Variants in MT1B observed in about 807,000 individuals in gnomAD.
MT1B encodes metallothionein 1B.
In MT1B, 4 loss-of-function variants were observed where a neutral mutation model predicts 7.9. The ratio of observed to expected loss-of-function variants is 0.51; its 90% CI spans 0.25 to 1.16. The LOEUF (loss-of-function observed/expected upper bound fraction) is 1.16, where lower values mean the gene tolerates loss of function less well. MT1B is among the 50% of genes most tolerant of loss of function. MT1B has a pLI of 0.15. For synonymous variants in MT1B, 22 were observed against 27.6 expected (o/e 0.80, Z 0.63); for missense variants, 76 against 75.2 (o/e 1.01, Z -0.04).
chr16:56,652,026 C>T lies in MT1B; in HGVS notation c.28+45C>T, dbSNP rs117609995. ...GGGCCTTGAGATGCCCATTCCCGGC[C>T]ACTGTACACAGTGTCCCTGGGTTAG... On this transcript the variant is annotated intron_variant, in intron 1 of 2. Coordinates refer to ENST00000334346, the MANE Select transcript of MT1B (RefSeq NM_005947.3). The T allele has an allele frequency of 2.4e-4, 394 of 1,610,292 alleles. 5 individuals carry two copies. In the East Asian group the frequency reaches 4.9e-3, roughly 20 times the overall value.
chr16:56,652,701 G>C, intron 2 of MT1B, 65 bp downstream of exon 2: 2 of 1,579,194 alleles, frequency 1.3e-6, no homozygotes, highest in Non-Finnish European at 1.7e-6. Flanking sequence ...ACACAAGGCT[G>C]GCCCTGAGTG....
intron 2 of MT1B, 74 bp from the exon 3 acceptor site, chr16:56,652,900 C>T: frequency 6.6e-7 from 1 of 1,524,744 alleles, no homozygotes. Context: ...TGAACTTCAG[C>T]CAGGCTTGCT....
At chr16:56,652,280 T>TG (rs1357613053) in intron 1 of MT1B, among the ~76,000 whole-genome samples, 6 of 151,974 alleles carry the variant, frequency 3.9e-5, no homozygotes, top group African/African-American at 1.5e-4. Context: ...GGGTGAGAGG[T>TG]GGGGGACATA....
rs1960559462 is a variant in MT1B, at chr16:56,651,984, A to G, written c.28+3A>G. 6.2e-7 allele frequency: 1 copy of G among 1,614,234 alleles called. No homozygotes were observed. The highest frequency in any genetic ancestry group is 8.5e-7 in the Non-Finnish European group (1 of 1,180,048). On this transcript the variant is annotated splice_donor_region_variant and intron_variant, in intron 1 of 2. Coordinates refer to ENST00000334346, the MANE Select transcript of MT1B (RefSeq NM_005947.3). ...TCCCAACTGCTCCTGCACCACAGGT[A>G]AGGGACGCCTGGCTCTGGGCCTTGA...
In MT1B at chr16:56,653,138, C is replaced by T. The variant is rs1303249760; in HGVS notation, c.*73C>T. ...ACCTGGATTTTTTTTTTTAACTACC[C>T]TGACCGGTTTGCTACATTCTTTTTT... On this transcript the variant is annotated 3_prime_UTR_variant, in exon 3 of 3. Coordinates refer to ENST00000334346, the MANE Select transcript of MT1B (RefSeq NM_005947.3). The T allele has an allele frequency of 7.1e-7, 1 of 1,410,466 alleles. No homozygotes were observed. 87.4% of individuals were successfully genotyped at this position (1,410,466 alleles called of 1,614,324 possible).
chr16:56,652,120 C>A, intron 1 of MT1B, 139 bp downstream of exon 1: 1 of 966,728 alleles, frequency 1.0e-6, no homozygotes, highest in Non-Finnish European at 1.6e-6. Flanking sequence ...TCCTCTTGCC[C>A]AAGCTCCTGT....
Position 56,653,166 on chromosome 16 carries a change from A to G in MT1B, c.*101A>G, listed in dbSNP as rs1056372607. On this transcript the variant is annotated 3_prime_UTR_variant, in exon 3 of 3. Coordinates refer to ENST00000334346, the MANE Select transcript of MT1B (RefSeq NM_005947.3). ...ACCGGTTTGCTACATTCTTTTTTCT[A>G]TTCAATATGTGAAAGACAATAAAAC... is the stretch of plus-strand genomic sequence containing the variant. The G allele has an allele frequency of 4.6e-6, 5 of 1,093,232 alleles. No homozygotes were observed. The highest frequency in any genetic ancestry group is 1.6e-5 in the African/African-American group (1 of 63,238). The allele number at this position is 1,093,232 out of a possible 1,614,324, so 67.7% of individuals were successfully genotyped here.
At chr16:56,652,480 C>T (rs1156765358) in intron 1 of MT1B, 91 bp from the exon 2 acceptor site, 8 of 1,247,468 alleles carry the variant, frequency 6.4e-6, no homozygotes, top group Non-Finnish European at 8.2e-6. Flanking sequence ...GCTGGCCCTG[C>T]ACAGAGGATG....
chr16:56,652,052 A>G (rs1465964907), intron 1 of MT1B, 71 bp downstream of exon 1: 2 of 1,585,398 alleles, frequency 1.3e-6, no homozygotes, highest in African/African-American at 2.7e-5. Flanking sequence ...CCTGGGTTAG[A>G]GAAGGTTGCA....
At position 56,652,645 on chromosome 16, in the gene MT1B, G is replaced by A. The variant is rs770082430; in HGVS notation, c.94+9G>A. 2 of 1,613,820 alleles carry A rather than the reference G, an allele frequency of 1.2e-6. No homozygotes were observed. The highest frequency in any genetic ancestry group is 1.7e-5 in the Admixed American group (1 of 59,996). ...TACCTCCTGCAAGAAGTGTGAGTGT[G>A]GGATCATCTCCAGGAATCTGGGGCT... is the stretch of plus-strand genomic sequence containing the variant. On this transcript the variant is annotated intron_variant, in intron 2 of 2. Coordinates refer to ENST00000334346, the MANE Select transcript of MT1B (RefSeq NM_005947.3).
At chr16:56,652,709 G>A (rs1960569957) in intron 2 of MT1B, 73 bp downstream of exon 2, 3 of 1,571,108 alleles carry the variant, frequency 1.9e-6, no homozygotes, top group Non-Finnish European at 2.6e-6. Context: ...CTGGCCCTGA[G>A]TGCATGCTTT....
rs370227186 is a variant in MT1B at position 56,651,936 on chromosome 16, G to C, written c.-18G>C. The C allele has an allele frequency of 2.0e-5, 33 of 1,614,210 alleles. 1 individual carries two copies. The Middle Eastern group carries it at 4.9e-4, about 24-fold the overall frequency. On this transcript the variant is annotated 5_prime_UTR_variant, in exon 1 of 3. Transcript: ENST00000334346. ...TCTCATATCTTGCCTAGGAACTCCA[G>C]GCTTGTCTTGGCTCCAAATGGATCC...
rs200369659 is a variant in MT1B at position 56,653,052 on chromosome 16, G to A, written c.173G>A (p.Arg58His). The A allele has an allele frequency of 3.3e-5, 54 of 1,613,918 alleles. No homozygotes were observed. Among genetic ancestry groups the A allele is most frequent in the Non-Finnish European group, 4.2e-5 (49 of 1,179,964 alleles). Reference sequence around the variant, plus strand: ...TGCAAAGGCTCATCAGAGAAGTGCCGCTGCTGTGCCTGATGTTGGGAGAGC... The same window carrying A: ...TGCAAAGGCTCATCAGAGAAGTGCCACTGCTGTGCCTGATGTTGGGAGAGC... ...CVCKGSSEKC[R>H]CCA The change falls in exon 3 of 3, where the codon CGC becomes CAC. Residue 58 changes from arginine to histidine, a missense_variant. Arg to His is a conservative substitution (Grantham distance 29, BLOSUM62 0). Coordinates refer to ENST00000334346, the MANE Select transcript of MT1B (RefSeq NM_005947.3).
chr16:56,653,027 T>C lies in MT1B; in HGVS notation c.148T>C (p.Cys50Arg). Residue 50 changes from cysteine (C) to arginine (R), a missense_variant, in exon 3 of 3, where the codon TGC (cysteine) becomes CGC (arginine). Coordinates refer to ENST00000334346, the MANE Select transcript of MT1B (RefSeq NM_005947.3). The stretch of plus-strand genomic sequence containing the variant: ...TGCCAAGTGTGCCCAGGGCTGTGTC[T>C]GCAAAGGCTCATCAGAGAAGTGCCG... ...GCAKCAQGCV[C>R]KGSSEKCRCC... The C allele has an allele frequency of 6.2e-7, 1 of 1,613,840 alleles. No homozygotes were observed. Among genetic ancestry groups the C allele is most frequent in the Non-Finnish European group, 8.5e-7 (1 of 1,179,988 alleles).
rs777855677 is a variant in MT1B at position 56,651,966 on chromosome 16, T to G, written c.13T>G (p.Cys5Gly). 6.2e-7 allele frequency: 1 copy of G among 1,614,250 alleles called. No homozygotes were observed. The highest frequency in any genetic ancestry group is 1.1e-5 in the South Asian group (1 of 91,080). Residue 5 changes from cysteine to glycine, a missense_variant, in exon 1 of 3, where the codon TGC (cysteine) becomes GGC (glycine). Coordinates refer to ENST00000334346, the MANE Select transcript of MT1B (RefSeq NM_005947.3). ...GTCTTGGCTCCAAATGGATCCCAAC[T>G]GCTCCTGCACCACAGGTAAGGGACG... MDPN[C>G]SCTTGGSCAC...
intron 1 of MT1B, 65 bp downstream of exon 1, chr16:56,652,046 G>A: frequency 6.3e-7 from 1 of 1,588,296 alleles, no homozygotes; most frequent in Non-Finnish European, 8.6e-7. Context: ...AGTGTCCCTG[G>A]GTTAGAGAAG....
Position 56,652,650 on chromosome 16 carries a change from C to T in MT1B, c.94+14C>T. The T allele has an allele frequency of 6.2e-7, 1 of 1,613,782 alleles. No homozygotes were observed. Among genetic ancestry groups the T allele is most frequent in the Non-Finnish European group, 8.5e-7 (1 of 1,179,796 alleles). Reference sequence around the variant, plus strand: ...CCTGCAAGAAGTGTGAGTGTGGGATCATCTCCAGGAATCTGGGGCTGTGGC... The same window carrying T: ...CCTGCAAGAAGTGTGAGTGTGGGATTATCTCCAGGAATCTGGGGCTGTGGC... On this transcript the variant is annotated intron_variant, in intron 2 of 2. Transcript: ENST00000334346.
intron 1 of MT1B, among the ~76,000 whole-genome samples, 190 bp from the exon 2 acceptor site, chr16:56,652,381 A>C (rs1234894231): frequency 2.8e-4 from 42 of 152,314 alleles, no homozygotes; most frequent in African/African-American, 9.4e-4. Flanking sequence ...GATGGGGTAT[A>C]TAAAGAAGGG....
At chr16:56,652,867 A>G (rs1372978114) in intron 2 of MT1B, 107 bp from the exon 3 acceptor site, 3 of 1,349,494 alleles carry the variant, frequency 2.2e-6, no homozygotes, top group Non-Finnish European at 3.2e-6. Flanking sequence ...CAGCCTAAAA[A>G]TGCATCCTCT....
Sources: allele counts gnomAD v4.1 joint callset (sites outside exome capture counted in the v4.1 genomes callset), GRCh38; gene constraint gnomAD v4.1.1; transcripts MANE v1.5; gene names NCBI Gene and HGNC (gene_info 2026-07-23, HGNC 2026-07-21).